The following TTC13 variants were observed in gnomAD, a reference collection of about 807,000 sequenced individuals.
TTC13 encodes tetratricopeptide repeat protein 13.
TTC13 carries 62 observed loss-of-function variants against 120.0 expected under a neutral mutation model. The observed-to-expected ratio is 0.52, with a 90% CI of 0.42 to 0.64. The LOEUF is 0.64. TTC13 is among the 30% of genes least tolerant of loss of function. The pLI is 0.00. For synonymous variants in TTC13, 384 were observed against 393.5 expected (o/e 0.98, Z 0.28); for missense variants, 824 against 1,050.2 (o/e 0.78, Z 2.98).
chr1:230,943,887 A>G lies in TTC13; in HGVS notation c.591T>C (p.Asn197=). Residue 197 remains asparagine (N), a synonymous_variant, in exon 6 of 23, where the codon AAT becomes AAC. Transcript: ENST00000366661. ...TCAGTTCGAACAGAGCAAGCTCAGC[A>G]TTCTTAATGTCCTTGAAAAGGCATT... ...YGKKGLHDIK[N]AELALFELSR... 2 of 1,609,040 alleles carry G rather than the reference A, an allele frequency of 1.2e-6. No individual in the cohort carries two copies. Among genetic ancestry groups the G allele is most frequent in the Non-Finnish European group, 1.7e-6 (2 of 1,176,598 alleles).
chr1:230,915,356 A>G (rs72762651), intron 18 of TTC13, among the ~76,000 whole-genome samples: 3 of 150,434 alleles, frequency 2.0e-5, no homozygotes, highest in Admixed American at 6.6e-5. Context: ...GTGTGTGTGT[A>G]TGTGTGTGTG....
chr1:230,948,989 T>C (rs934396086), intron 4 of TTC13, among the ~76,000 whole-genome samples: 1 of 152,022 alleles, frequency 6.6e-6, no homozygotes, highest in African/African-American at 2.4e-5. Context: ...CCCTGGAAAA[T>C]AAATATGCTC....
intron 2 of TTC13, among the ~76,000 whole-genome samples, chr1:230,959,790 C>T (rs907163979): frequency 6.6e-5 from 10 of 152,234 alleles, no homozygotes; most frequent in South Asian, 2.1e-4. Context: ...TAAGTTTGAA[C>T]ACACAGCTCA....
chr1:230,928,960 C>A lies in TTC13; in HGVS notation c.1434G>T (p.Gln478His). ...LPFLIEDYEE[Q>H]PGLQPHIKDV... is the part of the protein sequence containing the mutation. ...ACTTTATGTGGGGTTGCAACCCTGGCTGCTCTTCGTAGTCTTCTATGAGGA... is the reference window on the plus strand; with the variant it reads ...ACTTTATGTGGGGTTGCAACCCTGGATGCTCTTCGTAGTCTTCTATGAGGA... Residue 478 changes from glutamine (Q) to histidine (H), a missense_variant, in exon 12 of 23, where the codon CAG becomes CAT. By Grantham distance (24) the Gln-to-His change is conservative. Transcript: ENST00000366661. 1 of 1,614,030 alleles carries A rather than the reference C, an allele frequency of 6.2e-7. No homozygotes were observed. The highest frequency in any genetic ancestry group is 8.5e-7 in the Non-Finnish European group (1 of 1,179,992).
chr1:230,913,391 G>C (rs1030073600), intron 18 of TTC13, among the ~76,000 whole-genome samples: 1 of 152,186 alleles, frequency 6.6e-6, no homozygotes, highest in Non-Finnish European at 1.5e-5. Flanking sequence ...ATGGGATCTT[G>C]CTCTACCACC....
intron 14 of TTC13, 66 bp from the exon 15 acceptor site, chr1:230,923,999 G>T: frequency 7.6e-7 from 1 of 1,312,362 alleles, no homozygotes; most frequent in Non-Finnish European, 1.1e-6. Context: ...ACATGTAGAA[G>T]TGTTTGCAAA....
At chr1:230,930,366 A>G (rs1303287207) in intron 11 of TTC13, among the ~76,000 whole-genome samples, 1 of 152,220 alleles carries the variant, frequency 6.6e-6, no homozygotes, top group East Asian at 1.9e-4. Flanking sequence ...GGCTACCACA[A>G]ATTTAAAATT....
chr1:230,929,638 T>C (rs1162305542), intron 11 of TTC13, among the ~76,000 whole-genome samples: 7 of 152,168 alleles, frequency 4.6e-5, no homozygotes, highest in Non-Finnish European at 1.0e-4. Context: ...TTTAATCACC[T>C]TTCCAGGAAA....
intron 22 of TTC13, among the ~76,000 whole-genome samples, 191 bp from the exon 23 acceptor site, chr1:230,907,210 C>A (rs185607944): frequency 6.6e-6 from 1 of 152,220 alleles, no homozygotes; most frequent in Non-Finnish European, 1.5e-5. Context: ...CATCAGCCAA[C>A]ACGTTACAAG....
intron 15 of TTC13, among the ~76,000 whole-genome samples, chr1:230,921,982 C>T (rs1014349862): frequency 3.3e-5 from 5 of 152,180 alleles, no homozygotes; most frequent in Non-Finnish European, 7.3e-5. Context: ...TTTAAACTCA[C>T]TCCCAGAACT....
In TTC13 at chr1:230,978,577, T is replaced by C; in HGVS notation, c.254A>G (p.Tyr85Cys). 2.3e-6 allele frequency: 3 copies of C among 1,298,970 alleles called. No homozygotes were observed. The highest frequency in any genetic ancestry group is 3.1e-6 in the Non-Finnish European group (3 of 973,334). The allele number at this position is 1,298,970 out of a possible 1,614,324, so 80.5% of individuals were successfully genotyped here. Residue 85 changes from tyrosine to cysteine, a missense_variant, in exon 1 of 23, where the codon TAC becomes TGC. Transcript: ENST00000366661. This position sits in a 1 kb window ranked among gnomAD's most constrained non-coding sequence, Gnocchi z 5.6. The stretch of plus-strand genomic sequence containing the variant: ...CCACTCACCGCCGCACTCGGCAGAG[T>C]ACTGGTCCCCCCAGTCCCCGGACTG... The part of the protein sequence containing the change: ...SPQSGDWGDQ[Y>C]SAECGESSFL...
chr1:230,929,614 T>A (rs1028653083), intron 11 of TTC13, among the ~76,000 whole-genome samples: 3 of 151,980 alleles, frequency 2.0e-5, no homozygotes, highest in Non-Finnish European at 4.4e-5. Flanking sequence ...GCGCCTGGCC[T>A]AGTTTGGCTA....
chr1:230,923,976 C>G lies in TTC13; in HGVS notation c.1722-43G>C, dbSNP rs771503454. The G allele has an allele frequency of 1.1e-5, 17 of 1,489,250 alleles. No individual in the cohort carries two copies. The South Asian group carries it at 2.0e-4, about 17-fold the overall frequency. 92.3% of individuals were successfully genotyped at this position (1,489,250 alleles called of 1,614,324 possible). A position where few individuals can be genotyped will look rare whatever the true frequency, so the allele number is the denominator to read the frequency against. On this transcript the variant is annotated intron_variant, in intron 14 of 22. Transcript: ENST00000366661. ...TTATAAAACCAGAAGTGTTCAGAAG[C>G]ATTCCAAATAAAACATGTAGAAGTG...
In TTC13 at chr1:230,912,694, C is replaced by CATGATATAATTG; in HGVS notation, c.2146_2157dup (p.Gln716_His719dup). ...TCTTTATAAAGTGCATCTATTTCAG[C>CATGATATAATTG]ATGATATAATTGTGTCCTTTCTTCC... is the stretch of plus-strand genomic sequence containing the variant. On this transcript the variant is annotated inframe_insertion, in exon 19 of 23. Transcript: ENST00000366661. 1 of 1,612,548 alleles carries CATGATATAATTG rather than the reference C, an allele frequency of 6.2e-7. No individual in the cohort carries two copies. The highest frequency in any genetic ancestry group is 8.5e-7 in the Non-Finnish European group (1 of 1,179,302).
chr1:230,938,359 G>A (rs1366049326), intron 8 of TTC13, among the ~76,000 whole-genome samples: 2 of 152,290 alleles, frequency 1.3e-5, no homozygotes, highest in South Asian at 2.1e-4. Flanking sequence ...CCAGGTGAGA[G>A]AGGCAGCTCC....
Position 230,909,002 on chromosome 1 carries a change from G to T in TTC13, c.2328C>A (p.Val776=). 1 of 1,614,080 alleles carries T rather than the reference G, an allele frequency of 6.2e-7. No individual in the cohort carries two copies. Among genetic ancestry groups the T allele is most frequent in the South Asian group, 1.1e-5 (1 of 91,066 alleles). ...SRGSSVIAYS[V]IVGALMASGK... ...CACTTGCCATCAGTGCTCCCACGAT[G>T]ACCGAGTAAGCAATTACACTATTTA... is the stretch of plus-strand genomic sequence containing the variant. Residue 776 remains valine (V), a synonymous_variant, in exon 21 of 23, where the codon GTC becomes GTA. Coordinates refer to ENST00000366661, the MANE Select transcript of TTC13 (RefSeq NM_024525.5).
At chr1:230,912,307 A>G (rs1406427827) in intron 19 of TTC13, among the ~76,000 whole-genome samples, 4 of 152,174 alleles carry the variant, frequency 2.6e-5, no homozygotes, top group Non-Finnish European at 2.9e-5. Flanking sequence ...CAACAACCGC[A>G]ACGAAGGGAA....
In TTC13 at chr1:230,920,568, TC is replaced by T; in HGVS notation, c.1924del (p.Glu642LysfsTer12). The T allele has an allele frequency of 6.3e-7, 1 of 1,596,180 alleles. No individual in the cohort carries two copies. The highest frequency in any genetic ancestry group is 8.5e-7 in the Non-Finnish European group (1 of 1,173,618). ...HGANNPKGLL[E>X]VREALEKVHK... ...TACCTTTTCCAGGGCTTCCCGAACT[TC>T]CAGCAATCCTTTAGGATTATTAGCT... On this transcript the variant is annotated frameshift_variant, in exon 17 of 23. Coordinates refer to ENST00000366661, the MANE Select transcript of TTC13 (RefSeq NM_024525.5). LOFTEE classifies it high-confidence loss of function.
intron 1 of TTC13, among the ~76,000 whole-genome samples, chr1:230,974,132 T>C (rs1444882885): frequency 6.6e-6 from 1 of 151,924 alleles, no homozygotes; most frequent in Non-Finnish European, 1.5e-5. Context: ...ATGAACAAGT[T>C]ACAAATTTCA....
Sources: allele counts gnomAD v4.1 joint callset (sites outside exome capture counted in the v4.1 genomes callset), GRCh38; gene constraint gnomAD v4.1.1; non-coding constraint Gnocchi (gnomAD v3.1); transcripts MANE v1.5; gene names NCBI Gene and HGNC (gene_info 2026-07-23, HGNC 2026-07-21).